NFE2L2: variants seen among roughly 807,000 people sequenced by gnomAD.
The protein encoded by NFE2L2 is nuclear factor erythroid 2-related factor 2.
A neutral mutation model predicts 49.6 loss-of-function variants in NFE2L2; 20 were observed. The observed-to-expected ratio is 0.40, with a 90% CI of 0.28 to 0.59. NFE2L2 has a LOEUF of 0.59. Among genes scored for constraint, NFE2L2 ranks in the 20% least tolerant of loss-of-function variants. The pLI is 0.40. For synonymous variants in NFE2L2, 244 were observed against 256.5 expected (o/e 0.95, Z 0.47); for missense variants, 578 against 714.2 (o/e 0.81, Z 2.17).
rs748531049 is a variant in NFE2L2 at position 177,236,902 on chromosome 2, C to CTT, written c.46-2632_46-2631insAA. 6.8e-4 allele frequency among the ~76,000 whole-genome samples: 103 copies of CTT among 152,260 alleles called. 2 individuals carry two copies. The highest frequency in any genetic ancestry group is 5.0e-4 in the Non-Finnish European group (34 of 68,010). The stretch of plus-strand genomic sequence containing the variant: ...ACTCATTTTGAGATAGGGTCTCACT[C>CTT]TGTCACCCAGGCTGGAGTGTGGTGA... On this transcript the variant is annotated intron_variant, in intron 1 of 4. Transcript: ENST00000397062.
intron 1 of NFE2L2, among the ~76,000 whole-genome samples, chr2:177,260,085 T>G (rs1403192740): frequency 6.6e-6 from 1 of 152,246 alleles, no homozygotes; most frequent in East Asian, 1.9e-4. Flanking sequence ...AATAAATGTT[T>G]GTTGGCGCTT....
chr2:177,259,046 A>C (rs1237222340), intron 1 of NFE2L2, among the ~76,000 whole-genome samples: 1 of 152,238 alleles, frequency 6.6e-6, no homozygotes, highest in Non-Finnish European at 1.5e-5. Flanking sequence ...GCAGTGGCTC[A>C]CGCCTATAAT....
chr2:177,256,719 C>A (rs922988730), intron 1 of NFE2L2, among the ~76,000 whole-genome samples: 19 of 152,284 alleles, frequency 1.2e-4, no homozygotes, highest in Middle Eastern at 3.4e-3. Context: ...GAAAAGCATG[C>A]TTCCAGAAAG....
intron 1 of NFE2L2, 26 bp from the exon 2 acceptor site, chr2:177,234,297 G>T (rs2105459942): frequency 1.3e-6 from 2 of 1,574,102 alleles, no homozygotes; most frequent in South Asian, 2.4e-5. Flanking sequence ...AAAAAGGAAG[G>T]AGAGAGCTCA....
chr2:177,237,035 C>A lies in NFE2L2; in HGVS notation c.46-2764G>T, dbSNP rs149889003. 2.9e-3 allele frequency among the ~76,000 whole-genome samples: 441 copies of A among 151,980 alleles called. 7 individuals carry two copies. The East Asian group carries it at 0.044, about 15-fold the overall frequency. On this transcript the variant is annotated intron_variant, in intron 1 of 4. Coordinates refer to ENST00000397062, the MANE Select transcript of NFE2L2 (RefSeq NM_006164.5). ...ACATGCCACCAAGCCCAGCTAATTACTTTTTGTAGAGATGGCGTCTTGCCA... is the reference window on the plus strand; with the variant it reads ...ACATGCCACCAAGCCCAGCTAATTAATTTTTGTAGAGATGGCGTCTTGCCA...
intron 1 of NFE2L2, among the ~76,000 whole-genome samples, chr2:177,247,180 G>A (rs1242267451): frequency 6.6e-6 from 1 of 152,148 alleles, no homozygotes; most frequent in Admixed American, 6.5e-5. Context: ...CGCACCAGCA[G>A]TGTGAGCGTG....
chr2:177,234,914 G>C (rs754632389), intron 1 of NFE2L2, among the ~76,000 whole-genome samples: 1 of 151,930 alleles, frequency 6.6e-6, no homozygotes, highest in South Asian at 2.1e-4. Context: ...TCTGGAGTTC[G>C]AGATCAGCCT....
chr2:177,237,299 C>G (rs747505739), intron 1 of NFE2L2, among the ~76,000 whole-genome samples: 4 of 152,202 alleles, frequency 2.6e-5, no homozygotes, highest in Non-Finnish European at 5.9e-5. Context: ...CAGATTAAGT[C>G]TGTAGGTCAC....
chr2:177,264,681 G>T lies in NFE2L2; in HGVS notation c.-105C>A. On this transcript the variant is annotated 5_prime_UTR_variant, in exon 1 of 5. Transcript: ENST00000397062. ...CTCTGGTGGCGGCGGCGGCGGCGGT[G>T]GCGGCTGCGTCGGCGGCTCCTCCGG... is the stretch of plus-strand genomic sequence containing the variant. The T allele has an allele frequency of 1.8e-6, 2 of 1,090,222 alleles. No individual in the cohort carries two copies. Among genetic ancestry groups the T allele is most frequent in the Non-Finnish European group, 1.2e-6 (1 of 836,742 alleles). The allele number at this position is 1,090,222 out of a possible 1,614,324, so 67.5% of individuals were successfully genotyped here. A position where few individuals can be genotyped will look rare whatever the true frequency, so the allele number is the denominator to read the frequency against.
At chr2:177,249,269 A>AT (rs1303787355) in intron 1 of NFE2L2, among the ~76,000 whole-genome samples, 22 of 152,042 alleles carry the variant, frequency 1.4e-4, no homozygotes, top group Non-Finnish European at 3.1e-4. Context: ...TTCACTCCGG[A>AT]TCTGGTAGAA....
rs769685782 is a variant in NFE2L2, at chr2:177,234,193, G to A, written c.124C>T (p.Arg42Ter). 3.1e-6 allele frequency: 5 copies of A among 1,613,866 alleles called. No individual in the cohort carries two copies. Among genetic ancestry groups the A allele is most frequent in the Admixed American group, 1.7e-5 (1 of 59,990 alleles). ...VSREVFDFSQ[R>*]RKEYELEKQK... is the part of the protein sequence containing the mutation. The stretch of plus-strand genomic sequence containing the variant: ...TTTTCCAGCTCATACTCTTTCCGTC[G>A]CTGACTGAAGTCAAATACTTCTCGA... The change falls in exon 2 of 5, where the codon CGA becomes TGA. Residue 42 changes from arginine (R) to a stop codon, truncating the protein, a stop_gained. Coordinates refer to ENST00000397062, the MANE Select transcript of NFE2L2 (RefSeq NM_006164.5). LOFTEE classifies it high-confidence loss of function.
chr2:177,232,023 A>G lies in NFE2L2; in HGVS notation c.595-15T>C. The G allele has an allele frequency of 1.9e-6, 3 of 1,566,810 alleles. No individual in the cohort carries two copies. Among genetic ancestry groups the G allele is most frequent in the Non-Finnish European group, 2.6e-6 (3 of 1,159,458 alleles). ...ATATTAAGACACTGCATGAGAAGGA[A>G]GTTTATACTATATAAATCAAAGTTA... On this transcript the variant is annotated splice_polypyrimidine_tract_variant and intron_variant, in intron 4 of 4. Transcript: ENST00000397062.
rs199691660 is a variant in NFE2L2 at position 177,234,101 on chromosome 2, A to T, written c.216T>A (p.Ala72=). ...CTGTCTCTTCATCTAGTTGTAACTGAGCGAAAAAGGCTTTCTCTTGCTCCT... is the reference window on the plus strand; with the variant it reads ...CTGTCTCTTCATCTAGTTGTAACTGTGCGAAAAAGGCTTTCTCTTGCTCCT... ...LQKEQEKAFF[A]QLQLDEETGE... Residue 72 remains alanine, a synonymous_variant, in exon 2 of 5, where the codon GCT becomes GCA. Coordinates refer to ENST00000397062, the MANE Select transcript of NFE2L2 (RefSeq NM_006164.5). 35 of 1,614,178 alleles carry T rather than the reference A, an allele frequency of 2.2e-5. No individual in the cohort carries two copies. In the African/African-American group the frequency reaches 4.3e-4, roughly 20 times the overall value.
At position 177,230,659 on chromosome 2, in the gene NFE2L2, A is replaced by G. The variant is rs1045499199; in HGVS notation, c.*126T>C. On this transcript the variant is annotated 3_prime_UTR_variant, in exon 5 of 5. Coordinates refer to ENST00000397062, the MANE Select transcript of NFE2L2 (RefSeq NM_006164.5). ...TTTTTAAAGTTTCGTATTATTTTCTATACTAGTTTTGGCTATGATTTTGCA... is the reference window on the plus strand; with the variant it reads ...TTTTTAAAGTTTCGTATTATTTTCTGTACTAGTTTTGGCTATGATTTTGCA... 1.2e-5 allele frequency: 13 copies of G among 1,062,816 alleles called. No individual in the cohort carries two copies. Among genetic ancestry groups the G allele is most frequent in the African/African-American group, 6.6e-5 (4 of 60,704 alleles). 65.8% of individuals were successfully genotyped at this position (1,062,816 alleles called of 1,614,324 possible). A position where few individuals can be genotyped will look rare whatever the true frequency, so the allele number is the denominator to read the frequency against.
intron 1 of NFE2L2, among the ~76,000 whole-genome samples, chr2:177,243,797 GC>G (rs1690021927): frequency 6.6e-6 from 1 of 152,144 alleles, no homozygotes; most frequent in South Asian, 2.1e-4. Context: ...GAACCACTGT[GC>G]CTGGTCAATT....
intron 2 of NFE2L2, 88 bp from the exon 3 acceptor site, chr2:177,233,427 A>G (rs1689629869): frequency 1.0e-6 from 1 of 977,982 alleles, no homozygotes; most frequent in Admixed American, 2.5e-5. Context: ...TGTTCATAAA[A>G]TATTTATAAT....
At chr2:177,258,364 T>C (rs542031551) in intron 1 of NFE2L2, among the ~76,000 whole-genome samples, 11 of 152,348 alleles carry the variant, frequency 7.2e-5, no homozygotes, top group African/African-American at 2.4e-4. Flanking sequence ...TTACATGCTA[T>C]TCCATTTACA....
At chr2:177,233,634 A>G in intron 2 of NFE2L2, 1 of 498,554 alleles carries the variant, frequency 2.0e-6, no homozygotes. Flanking sequence ...TGTTAATTAA[A>G]TCAGTCAGTA....
intron 1 of NFE2L2, chr2:177,263,991 AC>A: frequency 1.0e-6 from 1 of 973,966 alleles, no homozygotes; most frequent in Non-Finnish European, 1.2e-6. Context: ...CGCAGCCCGC[AC>A]TCAAGGAGGT....
Sources: gnomAD v4.1 joint callset for allele counts (sites outside exome capture counted in the v4.1 genomes callset) on GRCh38, gnomAD v4.1.1 for gene constraint, MANE v1.5 for transcripts, NCBI Gene and HGNC (gene_info 2026-07-23, HGNC 2026-07-21) for gene names.